The following B3GNT8 variants were observed in gnomAD, a reference collection of about 807,000 sequenced individuals.
The protein encoded by B3GNT8 is N-acetyllactosaminide beta-1,3-N-acetylglucosaminyltransferase 8.
For synonymous variants in B3GNT8, 258 were observed against 238.3 expected (o/e 1.08, Z -0.76); for missense variants, 502 against 530.5 (o/e 0.95, Z 0.53).
chr19:41,428,241 C>T (rs1199418888), upstream of B3GNT8, among the ~76,000 whole-genome samples: 4 of 151,956 alleles, frequency 2.6e-5, no homozygotes, highest in South Asian at 2.1e-4. This position sits in a 1 kb window ranked among gnomAD's most constrained non-coding sequence, Gnocchi z 6.1. Flanking sequence ...TAGAGGGTGA[C>T]GGGGTGGGGC....
rs1366248760 is a variant in B3GNT8, at chr19:41,426,748, ACAGG to A, written c.27_30del (p.Leu10GlnfsTer157). The stretch of plus-strand genomic sequence containing the variant: ...AGGCCCAGGAGTGTGAGCAGTGCTG[ACAGG>A]CAGAGAAGGCACTTGGGGCAGCGCA... On this transcript the variant is annotated frameshift_variant, in exon 2 of 2. Transcript: ENST00000691102. LOFTEE classifies it low-confidence loss of function (END_TRUNC). This position sits in a 1 kb window ranked among gnomAD's most constrained non-coding sequence, Gnocchi z 4.9. The A allele has an allele frequency of 2.5e-6, 4 of 1,613,004 alleles. No homozygotes were observed. The South Asian group carries it at 4.4e-5, about 18-fold the overall frequency.
At position 41,426,881 on chromosome 19, in the gene B3GNT8, C is replaced by A; in HGVS notation, c.-32-71G>T. ...GGATGGGCCTCCAGAGAGGGCCCAG[C>A]CAGGCCCCAGGCAGACAGCTTCACA... is the stretch of plus-strand genomic sequence containing the variant. On this transcript the variant is annotated intron_variant, in intron 1 of 1. Coordinates refer to ENST00000691102, the MANE Select transcript of B3GNT8 (RefSeq NM_001385648.2). The surrounding 1 kb of genome is among the most constrained non-coding windows in gnomAD (Gnocchi z 4.9). 8.8e-7 allele frequency: 1 copy of A among 1,137,476 alleles called. No individual in the cohort carries two copies. The highest frequency in any genetic ancestry group is 1.3e-5 in the South Asian group (1 of 76,344). 70.5% of individuals were successfully genotyped at this position (1,137,476 alleles called of 1,614,324 possible). A position where few individuals can be genotyped will look rare whatever the true frequency, so the allele number is the denominator to read the frequency against.
In B3GNT8 at chr19:41,426,712, T is replaced by G. The variant is rs773840221; in HGVS notation, c.67A>C (p.Ile23Leu). 14 of 1,613,512 alleles carry G rather than the reference T, an allele frequency of 8.7e-6. No homozygotes were observed. The South Asian group carries it at 8.8e-5, about 10-fold the overall frequency. ...AGCCGGGACTCGGATGTCCACTCGA[T>G]GTACACTTTGAGGCCCAGGAGTGTG... The part of the protein sequence containing the change: ...LLTLLGLKVY[I>L]EWTSESRLSK... The change falls in exon 2 of 2, where the codon ATC (isoleucine) becomes CTC (leucine). Residue 23 changes from isoleucine to leucine, a missense_variant. Physicochemically the swap from Ile to Leu is conservative, Grantham distance 5. Coordinates refer to ENST00000691102, the MANE Select transcript of B3GNT8 (RefSeq NM_001385648.2). The surrounding 1 kb of genome is among the most constrained non-coding windows in gnomAD (Gnocchi z 4.9).
chr19:41,428,237 G>A (rs1252597896), upstream of B3GNT8, among the ~76,000 whole-genome samples: 1 of 152,038 alleles, frequency 6.6e-6, no homozygotes, highest in Non-Finnish European at 1.5e-5. This position sits in a 1 kb window ranked among gnomAD's most constrained non-coding sequence, Gnocchi z 6.1. Context: ...GCAATAGAGG[G>A]TGACGGGGTG....
Position 41,426,493 on chromosome 19 carries a change from C to T in B3GNT8, c.286G>A (p.Ala96Thr), listed in dbSNP as rs773361455. ...GDSTETGGCQ[A>T]WGAAAATEIP... Reference sequence around the variant, plus strand: ...TCGGTGGCGGCGGCGGCCCCCCAAGCCTGGCAGCCCCCCGTTTCAGTGCTG... The same window carrying T: ...TCGGTGGCGGCGGCGGCCCCCCAAGTCTGGCAGCCCCCCGTTTCAGTGCTG... Residue 96 changes from alanine (A) to threonine (T), a missense_variant, in exon 2 of 2, where the codon GCT (alanine) becomes ACT (threonine). Transcript: ENST00000691102. The surrounding 1 kb of genome is among the most constrained non-coding windows in gnomAD (Gnocchi z 4.9). 31 of 1,589,920 alleles carry T rather than the reference C, an allele frequency of 1.9e-5. No homozygotes were observed. The highest frequency in any genetic ancestry group is 7.7e-6 in the Non-Finnish European group (9 of 1,168,656).
At chr19:41,428,409 G>A (rs1356366585), upstream of B3GNT8, among the ~76,000 whole-genome samples, 1 of 152,142 alleles carries the variant, frequency 6.6e-6, no homozygotes, top group Non-Finnish European at 1.5e-5. The surrounding 1 kb of genome is among the most constrained non-coding windows in gnomAD (Gnocchi z 6.1). Flanking sequence ...CTCCCCCAGC[G>A]GCACTGTGAC....
At position 41,426,829 on chromosome 19, in the gene B3GNT8, G is replaced by GT. The variant is rs771924954; in HGVS notation, c.-32-20_-32-19insA. Reference sequence around the variant, plus strand: ...GCGGGAGCTACAAGGGAGCCACAGGGGAGCCACGGAGGCCATTGGGGTGTG... The same window carrying GT: ...GCGGGAGCTACAAGGGAGCCACAGGGTGAGCCACGGAGGCCATTGGGGTGTG... On this transcript the variant is annotated intron_variant, in intron 1 of 1. Coordinates refer to ENST00000691102, the MANE Select transcript of B3GNT8 (RefSeq NM_001385648.2). The surrounding 1 kb of genome is among the most constrained non-coding windows in gnomAD (Gnocchi z 4.9). 1.9e-6 allele frequency: 3 copies of GT among 1,574,920 alleles called. No homozygotes were observed. Among genetic ancestry groups the GT allele is most frequent in the Non-Finnish European group, 2.6e-6 (3 of 1,160,828 alleles).
Position 41,425,967 on chromosome 19 carries a change from AGGCTTC to A in B3GNT8, c.806_811del (p.Arg269_Ser270del), listed in dbSNP as rs1697660100. ...CTGGGTAAAGACCTCACCCAGGTAG[AGGCTTC>A]GGGCCGAGGCAGGTGGCAGGGCCCG... is the stretch of plus-strand genomic sequence containing the variant. On this transcript the variant is annotated inframe_deletion, in exon 2 of 2. Transcript: ENST00000691102. The A allele has an allele frequency of 6.2e-7, 1 of 1,612,766 alleles. No individual in the cohort carries two copies. Among genetic ancestry groups the A allele is most frequent in the Admixed American group, 1.7e-5 (1 of 59,994 alleles).
chr19:41,428,016 G>A (rs367619293), upstream of B3GNT8, among the ~76,000 whole-genome samples: 10 of 151,610 alleles, frequency 6.6e-5, no homozygotes, highest in East Asian at 1.6e-3. The surrounding 1 kb of genome is among the most constrained non-coding windows in gnomAD (Gnocchi z 6.1). Context: ...CAAGTGGGAA[G>A]GTGGCCAGGA....
Position 41,425,613 on chromosome 19 carries a change from T to G in B3GNT8, c.1166A>C (p.Gln389Pro). ...GCACTGGAGCCTTGGGTCTTGCAGT[T>G]GTTTCCAGAGCCGAATGCTGGCCTG... is the stretch of plus-strand genomic sequence containing the variant. ...GPQASIRLWK[Q>P]LQDPRLQC The change falls in exon 2 of 2, where the codon CAA becomes CCA. Residue 389 changes from glutamine (Q) to proline (P), a missense_variant. Transcript: ENST00000691102. 2.6e-6 allele frequency: 4 copies of G among 1,512,224 alleles called. No homozygotes were observed. Among genetic ancestry groups the G allele is most frequent in the Non-Finnish European group, 3.5e-6 (4 of 1,130,916 alleles). The allele number at this position is 1,512,224 out of a possible 1,614,324, so 93.7% of individuals were successfully genotyped here.
Position 41,426,297 on chromosome 19 carries a change from A to G in B3GNT8, c.482T>C (p.Phe161Ser), listed in dbSNP as rs1316280193. Residue 161 changes from phenylalanine (F) to serine (S), a missense_variant, in exon 2 of 2, where the codon TTT becomes TCT. Transcript: ENST00000691102. The surrounding 1 kb of genome is among the most constrained non-coding windows in gnomAD (Gnocchi z 4.9). ...CTCTCTCACGGCCTGTCGTTCTGCA[A>G]AGCGCCCTGGTTCTGACTTGACGGC... ...LLAVKSEPGRFAERQAVRETW... is the reference protein window; with the variant it reads ...LLAVKSEPGRSAERQAVRETW... 5 of 1,613,288 alleles carry G rather than the reference A, an allele frequency of 3.1e-6. No individual in the cohort carries two copies. The highest frequency in any genetic ancestry group is 2.7e-5 in the African/African-American group (2 of 74,934).
At position 41,425,957 on chromosome 19, in the gene B3GNT8, A is replaced by G; in HGVS notation, c.822T>C (p.Gly274=). 3.7e-6 allele frequency: 6 copies of G among 1,613,086 alleles called. No homozygotes were observed. The highest frequency in any genetic ancestry group is 5.1e-6 in the Non-Finnish European group (6 of 1,179,868). ...GAGGCATGGCCTGGGTAAAGACCTC[A>G]CCCAGGTAGAGGCTTCGGGCCGAGG... ...PPASARSLYL[G]EVFTQAMPLR... is the part of the protein sequence containing the mutation. Residue 274 remains glycine (G), a synonymous_variant, in exon 2 of 2, where the codon GGT becomes GGC. Transcript: ENST00000691102.
chr19:41,427,897 G>A (rs906098647), upstream of B3GNT8, among the ~76,000 whole-genome samples: 1 of 151,602 alleles, frequency 6.6e-6, no homozygotes, highest in Non-Finnish European at 1.5e-5. This position sits in a 1 kb window ranked among gnomAD's most constrained non-coding sequence, Gnocchi z 5.6. Context: ...AGGAGAAGGA[G>A]AGACAGAGAC....
chr19:41,425,451 G>T lies in B3GNT8; in HGVS notation c.*134C>A. 1.6e-6 allele frequency: 1 copy of T among 635,598 alleles called. No individual in the cohort carries two copies. Among genetic ancestry groups the T allele is most frequent in the Non-Finnish European group, 2.4e-6 (1 of 418,348 alleles). 39.4% of individuals were successfully genotyped at this position (635,598 alleles called of 1,614,324 possible). ...CCTGCCCAGGCCCCTGGCTGGGGGA[G>T]GCCAAGGAGTGGCTTAAGTTGTCCA... On this transcript the variant is annotated 3_prime_UTR_variant, in exon 2 of 2. Transcript: ENST00000691102.
rs894223165 is a variant in B3GNT8, at chr19:41,425,995, C to G, written c.784G>C (p.Ala262Pro). 1 of 1,612,064 alleles carries G rather than the reference C, an allele frequency of 6.2e-7. No individual in the cohort carries two copies. Residue 262 changes from alanine (A) to proline (P), a missense_variant, in exon 2 of 2, where the codon GCC (alanine) becomes CCC (proline). Ala to Pro is a conservative substitution (Grantham distance 27, BLOSUM62 -1). Transcript: ENST00000691102. ...HTPALLAHLR[A>P]LPPASARSLY... ...CTTCGGGCCGAGGCAGGTGGCAGGG[C>G]CCGCAGGTGAGCCAGCAGGGCAGGG...
rs752653452 is a variant in B3GNT8, at chr19:41,425,841, G to A, written c.938C>T (p.Ala313Val). The A allele has an allele frequency of 1.9e-6, 3 of 1,613,098 alleles. No homozygotes were observed. The highest frequency in any genetic ancestry group is 1.3e-5 in the African/African-American group (1 of 75,056). ...CAGCAGCCAGGGTGCCAGGCGCCCG[G>A]CAATGACGTAGCCACCCCCGCTTGC... is the stretch of plus-strand genomic sequence containing the variant. ...AYASGGGYVIAGRLAPWLLRA... is the reference protein window; with the variant it reads ...AYASGGGYVIVGRLAPWLLRA... Residue 313 changes from alanine to valine, a missense_variant, in exon 2 of 2, where the codon GCC (alanine) becomes GTC (valine). Transcript: ENST00000691102.
In B3GNT8 at chr19:41,426,652, G is replaced by GC; in HGVS notation, c.126dup (p.Pro43AlafsTer9). The GC allele has an allele frequency of 6.2e-7, 1 of 1,613,674 alleles. No individual in the cohort carries two copies. Among genetic ancestry groups the GC allele is most frequent in the Non-Finnish European group, 8.5e-7 (1 of 1,179,886 alleles). On this transcript the variant is annotated frameshift_variant, in exon 2 of 2. Coordinates refer to ENST00000691102, the MANE Select transcript of B3GNT8 (RefSeq NM_001385648.2). LOFTEE classifies it low-confidence loss of function (END_TRUNC). The surrounding 1 kb of genome is among the most constrained non-coding windows in gnomAD (Gnocchi z 4.9). ...TCAGGGTTGGCTGGCGTGGGGCTTGGCGGGGTGCCCCGAGGGCTGGGGTAG... is the reference window on the plus strand; with the variant it reads ...TCAGGGTTGGCTGGCGTGGGGCTTGGCCGGGGTGCCCCGAGGGCTGGGGTAG...
chr19:41,426,405 C>T lies in B3GNT8; in HGVS notation c.374G>A (p.Arg125Gln), dbSNP rs201750978. The change falls in exon 2 of 2, where the codon CGG becomes CAG. Residue 125 changes from arginine to glutamine, a missense_variant. Coordinates refer to ENST00000691102, the MANE Select transcript of B3GNT8 (RefSeq NM_001385648.2). The surrounding 1 kb of genome is among the most constrained non-coding windows in gnomAD (Gnocchi z 4.9). The stretch of plus-strand genomic sequence containing the variant: ...TCCAGGCAGCCACTGTGGGAAGCTC[C>T]GGCAGGCTGCTGACAGCAAGAAGCG... ...LRRFLLSAAC[R>Q]SFPQWLPGGG... The T allele has an allele frequency of 2.3e-5, 37 of 1,612,030 alleles. No individual in the cohort carries two copies. The highest frequency in any genetic ancestry group is 9.9e-5 in the South Asian group (9 of 91,090).
Position 41,425,953 on chromosome 19 carries a change from C to A in B3GNT8, c.826G>T (p.Val276Phe). The change falls in exon 2 of 2, where the codon GTC becomes TTC. Residue 276 changes from valine to phenylalanine, a missense_variant. By Grantham distance (50) the Val-to-Phe change is conservative. Coordinates refer to ENST00000691102, the MANE Select transcript of B3GNT8 (RefSeq NM_001385648.2). ...ASARSLYLGE[V>F]FTQAMPLRKP... ...CGGAGAGGCATGGCCTGGGTAAAGA[C>A]CTCACCCAGGTAGAGGCTTCGGGCC... The A allele has an allele frequency of 6.2e-7, 1 of 1,613,318 alleles. No homozygotes were observed.
Sources: gnomAD v4.1 joint callset for allele counts (sites outside exome capture counted in the v4.1 genomes callset) on GRCh38, gnomAD v4.1.1 for gene constraint, Gnocchi (gnomAD v3.1) non-coding constraint, MANE v1.5 for transcripts, NCBI Gene and HGNC (gene_info 2026-07-23, HGNC 2026-07-21) for gene names.